The following ZBBX variants were observed in gnomAD, a reference collection of about 807,000 sequenced individuals.
The protein encoded by ZBBX is zinc finger B-box domain-containing protein 1.
A neutral mutation model predicts 108.5 loss-of-function variants in ZBBX; 101 were observed. The observed-to-expected ratio is 0.93, with a 90% CI of 0.79 to 1.10. The LOEUF is 1.10. ZBBX is among the 50% of genes least tolerant of loss of function. ZBBX has a pLI of 0.00. For synonymous variants in ZBBX, 356 were observed against 323.4 expected (o/e 1.10, Z -1.08); for missense variants, 1,009 against 941.4 (o/e 1.07, Z -0.94).
chr3:167,374,925 T>C (rs1746711053), intron 2 of ZBBX, among the ~76,000 whole-genome samples: 3 of 152,182 alleles, frequency 2.0e-5, no homozygotes, highest in Admixed American at 1.3e-4. Context: ...GACTAATGAA[T>C]AGTTACACTT....
intron 20 of ZBBX, among the ~76,000 whole-genome samples, chr3:167,255,031 G>T (rs1723256646): frequency 1.3e-5 from 2 of 152,014 alleles, no homozygotes; most frequent in Admixed American, 1.3e-4. Context: ...GTGACCAAAT[G>T]ATATTATCCT....
In ZBBX at chr3:167,294,604, C is replaced by G. The variant is rs530151018; in HGVS notation, c.1879+3701G>C. ...AAACCATAAAAACCCTAGAAGAAAA[C>G]CTGGCAATACCATTCAGGACATAGG... On this transcript the variant is annotated intron_variant, in intron 18 of 21. Transcript: ENST00000675490. Among the ~76,000 whole-genome samples the G allele has an allele frequency of 2.0e-5, 3 of 152,230 alleles. No homozygotes were observed. The South Asian group carries it at 6.2e-4, about 32-fold the overall frequency.
chr3:167,251,279 G>C (rs1414837985), intron 20 of ZBBX, among the ~76,000 whole-genome samples: 1 of 152,206 alleles, frequency 6.6e-6, no homozygotes, highest in Non-Finnish European at 1.5e-5. Context: ...CCCAAGGCAA[G>C]AACCTGGGAT....
At chr3:167,330,868 G>GCAGAAGAAGA (rs1738381271) in intron 10 of ZBBX, among the ~76,000 whole-genome samples, 1 of 43,304 alleles carries the variant, frequency 2.3e-5, no homozygotes, top group Admixed American at 2.5e-4. Flanking sequence ...GGAGGAGGAG[G>GCAGAAGAAGA]AGGAGAAGAA....
chr3:167,274,945 G>C (rs1397668754), intron 20 of ZBBX, among the ~76,000 whole-genome samples: 1 of 152,182 alleles, frequency 6.6e-6, no homozygotes, highest in East Asian at 1.9e-4. Context: ...TTTTGCAAAA[G>C]AAAATTGCCT....
At chr3:167,310,768 C>T (rs1350461170) in intron 16 of ZBBX, among the ~76,000 whole-genome samples, 1 of 151,862 alleles carries the variant, frequency 6.6e-6, no homozygotes, top group Non-Finnish European at 1.5e-5. Flanking sequence ...CAGAGCCAAG[C>T]CATATCATAG....
At chr3:167,305,976 G>T (rs545141179) in intron 16 of ZBBX, 26 bp from the exon 17 acceptor site, 1 of 1,441,284 alleles carries the variant, frequency 6.9e-7, no homozygotes. Context: ...AGTTACAAAA[G>T]GTACATAAAT....
intron 20 of ZBBX, among the ~76,000 whole-genome samples, chr3:167,270,946 C>T (rs1560050656): frequency 6.6e-6 from 1 of 152,190 alleles, no homozygotes; most frequent in South Asian, 2.1e-4. Flanking sequence ...GGGATACCAC[C>T]TTCAAAACAG....
At chr3:167,297,949 T>A (rs1452500827) in intron 18 of ZBBX, among the ~76,000 whole-genome samples, 1 of 152,058 alleles carries the variant, frequency 6.6e-6, no homozygotes, top group East Asian at 1.9e-4. Context: ...CTGTTGGCAG[T>A]AATGTAAAAC....
At chr3:167,245,774 A>C (rs1721465454) in intron 20 of ZBBX, among the ~76,000 whole-genome samples, 1 of 151,974 alleles carries the variant, frequency 6.6e-6, no homozygotes, top group Non-Finnish European at 1.5e-5. Context: ...AGGCCTCCAC[A>C]GCCATGCTTC....
At chr3:167,273,507 C>G (rs560729960) in intron 20 of ZBBX, among the ~76,000 whole-genome samples, 3 of 152,292 alleles carry the variant, frequency 2.0e-5, no homozygotes, top group African/African-American at 7.2e-5. Flanking sequence ...CGGTCTTCTG[C>G]TCATTTCACC....
At chr3:167,364,630 G>A (rs1463514980) in intron 6 of ZBBX, among the ~76,000 whole-genome samples, 1 of 151,888 alleles carries the variant, frequency 6.6e-6, no homozygotes, top group Non-Finnish European at 1.5e-5. Context: ...AGTGATATAA[G>A]CACTTAATGA....
chr3:167,350,446 T>G lies in ZBBX; in HGVS notation c.502A>C (p.Lys168Gln), dbSNP rs1742426336. 1 of 1,597,180 alleles carries G rather than the reference T, an allele frequency of 6.3e-7. No homozygotes were observed. The highest frequency in any genetic ancestry group is 1.3e-5 in the African/African-American group (1 of 74,720). Residue 168 changes from lysine to glutamine, a missense_variant, in exon 9 of 22, where the codon AAG becomes CAG. Physicochemically the swap from Lys to Gln is moderately conservative, Grantham distance 53 (BLOSUM62 1). Transcript: ENST00000675490. ...TGCAAAAGAGTTGTTCTGTGGAGCT[T>G]TAGTGCCCCTTTCTGGTGAACTTTA... ...FAKVHQKGAL[K>Q]LHRTTLLQAK...
At chr3:167,245,341 C>T (rs959296678) in intron 20 of ZBBX, among the ~76,000 whole-genome samples, 4 of 152,162 alleles carry the variant, frequency 2.6e-5, no homozygotes, top group South Asian at 2.1e-4. Flanking sequence ...CCAGCCTGGG[C>T]GACAAAGCCC....
At chr3:167,287,060 C>A in intron 19 of ZBBX, among the ~76,000 whole-genome samples, 1 of 151,780 alleles carries the variant, frequency 6.6e-6, no homozygotes, top group East Asian at 1.9e-4. Flanking sequence ...TCTCTAATAT[C>A]TTGCCAATCT....
chr3:167,248,710 G>A (rs1722033927), intron 20 of ZBBX: 2 of 455,230 alleles, frequency 4.4e-6, no homozygotes, highest in Non-Finnish European at 4.4e-6. Flanking sequence ...ATGTAAATGG[G>A]CAGAACCAAT....
chr3:167,210,066 G>C, the ZBBX span, among the ~76,000 whole-genome samples: 2 of 151,148 alleles, frequency 1.3e-5, no homozygotes, highest in Non-Finnish European at 3.0e-5. Context: ...CTCCAGCCTA[G>C]GTGACAGAGT....
chr3:167,381,530 G>A (rs1256193716), upstream of ZBBX, among the ~76,000 whole-genome samples: 2 of 152,180 alleles, frequency 1.3e-5, no homozygotes, highest in African/African-American at 4.8e-5. Context: ...TGCTATTAAC[G>A]TGTTCATGGT....
intron 20 of ZBBX, among the ~76,000 whole-genome samples, chr3:167,262,088 C>T (rs1300762101): frequency 1.3e-5 from 2 of 152,172 alleles, no homozygotes; most frequent in Admixed American, 1.3e-4. Context: ...CAGGTAAAGT[C>T]GGAAACTTCT....
Sources: gnomAD v4.1 joint callset for allele counts (sites outside exome capture counted in the v4.1 genomes callset) on GRCh38, gnomAD v4.1.1 for gene constraint, MANE v1.5 for transcripts, NCBI Gene and HGNC (gene_info 2026-07-23, HGNC 2026-07-21) for gene names.